PCK2: variants seen among roughly 807,000 people sequenced by gnomAD.
The protein encoded by PCK2 is phosphoenolpyruvate carboxykinase [GTP], mitochondrial.
PCK2 carries 56 observed loss-of-function variants against 65.9 expected under a neutral mutation model. The observed-to-expected ratio is 0.85, with a 90% CI of 0.69 to 1.06. The LOEUF (loss-of-function observed/expected upper bound fraction) is 1.06. Among genes scored for constraint, PCK2 ranks in the 50% least tolerant of loss-of-function variants. The probability of loss-of-function intolerance (pLI) is 0.00; values close to 1 mark genes in which losing one functional copy is unlikely to be tolerated. For synonymous variants in PCK2, 305 were observed against 319.6 expected (o/e 0.95, Z 0.49); for missense variants, 843 against 863.1 (o/e 0.98, Z 0.29).
Position 24,103,176 on chromosome 14 carries a change from C to T in PCK2, c.1389C>T (p.Tyr463=), listed in dbSNP as rs140725571. ...GRRPKGVPLV[Y]EAFNWRHGVF... is the part of the protein sequence containing the mutation. ...GTGATCTAGGGGTACCCCTGGTATA[C>T]GAGGCCTTCAACTGGCGTCATGGGG... Residue 463 remains tyrosine (Y), a synonymous_variant, in exon 9 of 10, where the codon TAC becomes TAT. Transcript: ENST00000216780. The T allele has an allele frequency of 4.4e-5, 71 of 1,613,578 alleles. No homozygotes were observed. Among genetic ancestry groups the T allele is most frequent in the Admixed American group, 6.7e-5 (4 of 60,028 alleles).
chr14:24,099,640 C>T lies in PCK2; in HGVS notation c.935C>T (p.Ala312Val), dbSNP rs2037072727. 1.9e-6 allele frequency: 3 copies of T among 1,614,054 alleles called. No individual in the cohort carries two copies. Among genetic ancestry groups the T allele is most frequent in the Non-Finnish European group, 2.5e-6 (3 of 1,179,894 alleles). Residue 312 changes from alanine to valine, a missense_variant, in exon 6 of 10, where the codon GCT (alanine) becomes GTT (valine). Ala to Val is a moderately conservative substitution (Grantham distance 64). Coordinates refer to ENST00000216780, the MANE Select transcript of PCK2 (RefSeq NM_004563.4). ...FPSACGKTNL[A>V]MMRPALPGWK... ...AGTGCCTGTGGCAAGACCAACCTGG[C>T]TATGATGCGGCCTGCACTGCCAGGC... is the stretch of plus-strand genomic sequence containing the variant.
At chr14:24,096,228 C>CTTTTTTTTTTTTTTTTTTTTTTTTTTTT in intron 1 of PCK2, among the ~76,000 whole-genome samples, 1 of 58,848 alleles carries the variant, frequency 1.7e-5, no homozygotes, top group Non-Finnish European at 2.9e-5. Flanking sequence ...CTACTCATTT[C>CTTTTTTTTTTTTTTTTTTTTTTTTTTTT]TTTTTTTTTT....
chr14:24,103,300 C>T (rs1393070102), intron 9 of PCK2, 45 bp downstream of exon 9: 1 of 1,444,204 alleles, frequency 6.9e-7, no homozygotes, highest in Non-Finnish European at 9.7e-7. Context: ...GTGCACACAG[C>T]ACGTCCTCTC....
intron 1 of PCK2, among the ~76,000 whole-genome samples, chr14:24,096,181 G>A (rs2036869431): frequency 6.6e-6 from 1 of 150,872 alleles, no homozygotes; most frequent in Admixed American, 6.6e-5. Flanking sequence ...TGTCACCTGG[G>A]CCCAACTTCT....
intron 7 of PCK2, chr14:24,100,679 G>A: frequency 1.9e-6 from 1 of 539,864 alleles, no homozygotes; most frequent in Non-Finnish European, 2.4e-6. Flanking sequence ...AAAGAGGAAA[G>A]CTGCCTCCTC....
Position 24,098,259 on chromosome 14 carries a change from T to C in PCK2, c.332T>C (p.Ile111Thr). The C allele has an allele frequency of 1.2e-6, 2 of 1,614,032 alleles. No homozygotes were observed. Among genetic ancestry groups the C allele is most frequent in the Non-Finnish European group, 1.7e-6 (2 of 1,179,966 alleles). ...GCACGAGTAGAGAGCAAGACGGTGA[T>C]TGTAACTCCTTCTCAGCGGGACACG... is the stretch of plus-strand genomic sequence containing the variant. ...DVARVESKTV[I>T]VTPSQRDTVP... Residue 111 changes from isoleucine to threonine, a missense_variant, in exon 3 of 10, where the codon ATT (isoleucine) becomes ACT (threonine). Transcript: ENST00000216780.
At chr14:24,103,377 C>A in intron 9 of PCK2, 122 bp downstream of exon 9, 1 of 1,154,002 alleles carries the variant, frequency 8.7e-7, no homozygotes, top group Non-Finnish European at 1.3e-6. Flanking sequence ...CCTCTTCCCA[C>A]TTCTATCTTT....
intron 7 of PCK2, among the ~76,000 whole-genome samples, chr14:24,101,115 T>C (rs542351980): frequency 6.6e-6 from 1 of 152,214 alleles, no homozygotes; most frequent in South Asian, 2.1e-4. Flanking sequence ...AACACCATCA[T>C]TAAGCCCCCC....
intron 7 of PCK2, 171 bp downstream of exon 7, chr14:24,100,384 A>G (rs913138508): frequency 1.4e-6 from 2 of 1,383,494 alleles, no homozygotes; most frequent in Admixed American, 3.1e-5. Flanking sequence ...TCCCAACTCC[A>G]CCAGTCACTG....
At chr14:24,103,385 T>C (rs1393690104) in intron 9 of PCK2, 125 bp from the exon 10 acceptor site, 21 of 1,160,638 alleles carry the variant, frequency 1.8e-5, no homozygotes, top group Non-Finnish European at 2.5e-5. Flanking sequence ...CACTTCTATC[T>C]TTTCCCCATC....
chr14:24,098,455 G>C lies in PCK2; in HGVS notation c.461-20G>C, dbSNP rs114584291. 22 of 1,613,784 alleles carry C rather than the reference G, an allele frequency of 1.4e-5. No individual in the cohort carries two copies. The highest frequency in any genetic ancestry group is 1.9e-5 in the Non-Finnish European group (22 of 1,179,814). ...GAACAGGTTTGGAACCCTTCATCCA[G>C]GGGATGCCTTCCTCCACAGGCCGCA... On this transcript the variant is annotated intron_variant, in intron 3 of 9. Coordinates refer to ENST00000216780, the MANE Select transcript of PCK2 (RefSeq NM_004563.4).
chr14:24,102,723 A>G (rs751218676), intron 7 of PCK2, 30 bp from the exon 8 acceptor site: 1 of 1,603,308 alleles, frequency 6.2e-7, no homozygotes, highest in South Asian at 1.1e-5. Context: ...ATGACCTTGG[A>G]AATAATAGTG....
At position 24,100,187 on chromosome 14, in the gene PCK2, C is replaced by T. The variant is rs2037103092; in HGVS notation, c.1208C>T (p.Ser403Phe). 7.4e-6 allele frequency: 12 copies of T among 1,614,060 alleles called. No homozygotes were observed. The highest frequency in any genetic ancestry group is 9.3e-6 in the Non-Finnish European group (11 of 1,180,030). The change falls in exon 7 of 10, where the codon TCC becomes TTC. Residue 403 changes from serine (S) to phenylalanine (F), a missense_variant. Coordinates refer to ENST00000216780, the MANE Select transcript of PCK2 (RefSeq NM_004563.4). ...QPLPPGVTVT[S>F]WLGKPWKPGD... is the part of the protein sequence containing the mutation. The stretch of plus-strand genomic sequence containing the variant: ...CTTCCACCTGGTGTTACTGTGACCT[C>T]CTGGCTGGGCAAACCCTGGAAACCT...
Position 24,101,952 on chromosome 14 carries a change from G to A in PCK2, c.1235-801G>A, listed in dbSNP as rs191949003. On this transcript the variant is annotated intron_variant, in intron 7 of 9. Transcript: ENST00000216780. ...TTAAGTAAATAAAATCAGGCCAGGCGCAGTGGCTCATGCCTGTAATCCTAC... is the reference window on the plus strand; with the variant it reads ...TTAAGTAAATAAAATCAGGCCAGGCACAGTGGCTCATGCCTGTAATCCTAC... Among the ~76,000 whole-genome samples the A allele has an allele frequency of 6.2e-3, 942 of 152,064 alleles. 6 individuals are homozygous for A. The highest frequency in any genetic ancestry group is 0.022 in the African/African-American group (900 of 41,464).
In PCK2 at chr14:24,099,053, G is replaced by A. The variant is rs1208958752; in HGVS notation, c.669G>A (p.Glu223=). The change falls in exon 5 of 10, where the codon GAG becomes GAA. Residue 223 remains glutamate (E), a synonymous_variant. Transcript: ENST00000216780. ...CCATGACCCCATTGTCCCCAGGGGA[G>A]CCAGTGAGCCAGTGGCCGTGCAACC... ...SVGQPLTGQG[E]PVSQWPCNPE... 1.3e-6 allele frequency: 2 copies of A among 1,598,976 alleles called. No homozygotes were observed. Among genetic ancestry groups the A allele is most frequent in the Non-Finnish European group, 1.7e-6 (2 of 1,168,732 alleles).
rs770726015 is a variant in PCK2, at chr14:24,102,844, G to T, written c.1326G>T (p.Glu442Asp). 1.9e-6 allele frequency: 3 copies of T among 1,614,018 alleles called. No homozygotes were observed. In the East Asian group the frequency reaches 6.7e-5, roughly 36 times the overall value. ...PIMDPAWEAPEGVPIDAIIFG... is the reference protein window; with the variant it reads ...PIMDPAWEAPDGVPIDAIIFG... ...TGGACCCAGCCTGGGAGGCCCCAGA[G>T]GGTGTCCCCATTGACGCCATCATCT... is the stretch of plus-strand genomic sequence containing the variant. Residue 442 changes from glutamate (E) to aspartate (D), a missense_variant, in exon 8 of 10, where the codon GAG becomes GAT. Transcript: ENST00000216780.
At chr14:24,101,263 A>AC (rs552373920) in intron 7 of PCK2, among the ~76,000 whole-genome samples, 1 of 152,164 alleles carries the variant, frequency 6.6e-6, no homozygotes, top group Non-Finnish European at 1.5e-5. Flanking sequence ...CCAGAATAAT[A>AC]CCCTGTGTTA....
chr14:24,096,266 T>TCTTG (rs1366048044), intron 1 of PCK2, among the ~76,000 whole-genome samples: 1 of 138,362 alleles, frequency 7.2e-6, no homozygotes, highest in Admixed American at 7.4e-5. Context: ...TGAGACAGAG[T>TCTTG]CTTGCTCTGT....
intron 4 of PCK2, 102 bp from the exon 5 acceptor site, chr14:24,098,947 A>T: frequency 1.1e-6 from 1 of 893,696 alleles, no homozygotes; most frequent in Non-Finnish European, 1.8e-6. Context: ...TGGTGCTGCT[A>T]CTGCTCCCAA....
Sources: allele counts gnomAD v4.1 joint callset (sites outside exome capture counted in the v4.1 genomes callset), GRCh38; gene constraint gnomAD v4.1.1; transcripts MANE v1.5; gene names NCBI Gene and HGNC (gene_info 2026-07-23, HGNC 2026-07-21).